The following RALB variants were observed in gnomAD, a reference collection of about 807,000 sequenced individuals.
RALB encodes ras-related protein Ral-B.
A neutral mutation model predicts 21.3 loss-of-function variants in RALB; 16 were observed. The ratio of observed to expected loss-of-function variants is 0.75; its 90% confidence interval spans 0.51 to 1.14. RALB has a LOEUF of 1.14. RALB is among the 50% of genes most tolerant of loss of function. RALB has a pLI of 0.00. For synonymous variants in RALB, 93 were observed against 96.1 expected (o/e 0.97, Z 0.19); for missense variants, 161 against 256.2 (o/e 0.63, Z 2.54).
At chr2:120,252,037 T>C (rs1020595947), upstream of RALB, among the ~76,000 whole-genome samples, 5 of 152,148 alleles carry the variant, frequency 3.3e-5, no homozygotes, top group African/African-American at 1.2e-4. Context: ...GTTCCCTCCC[T>C]TAGAGATAAG....
chr2:120,270,963 G>T (rs956386743), intron 1 of RALB, among the ~76,000 whole-genome samples: 5 of 152,194 alleles, frequency 3.3e-5, no homozygotes, highest in Admixed American at 6.5e-5. Flanking sequence ...TGGCAGGTGT[G>T]TAATGTTTGA....
chr2:120,269,312 T>G (rs925632331), intron 1 of RALB, among the ~76,000 whole-genome samples: 1 of 152,200 alleles, frequency 6.6e-6, no homozygotes, highest in African/African-American at 2.4e-5. Flanking sequence ...GCAGTGAGTG[T>G]TATAGCTCTC....
chr2:120,250,710 A>G (rs1334629901), upstream of RALB, among the ~76,000 whole-genome samples: 1 of 152,158 alleles, frequency 6.6e-6, no homozygotes, highest in Non-Finnish European at 1.5e-5. Context: ...GAGTTCTGGT[A>G]GGGAAACTCA....
At chr2:120,279,856 C>T (rs1689941571) in intron 2 of RALB, among the ~76,000 whole-genome samples, 1 of 152,194 alleles carries the variant, frequency 6.6e-6, no homozygotes, top group African/African-American at 2.4e-5. Flanking sequence ...GTCCTGCTTC[C>T]TCTTATGCTG....
chr2:120,246,036 G>C (rs4241155), intron 1 of RALB, among the ~76,000 whole-genome samples: 101,575 of 152,096 alleles, frequency 0.67, 34,925 homozygotes, highest in African/African-American at 0.81. Context: ...TTTACCCCCC[G>C]ACACCACCCC....
chr2:120,279,004 C>G (rs1689917663), intron 2 of RALB, among the ~76,000 whole-genome samples: 2 of 152,164 alleles, frequency 1.3e-5, no homozygotes, highest in Non-Finnish European at 2.9e-5. Context: ...GAGATCTCTG[C>G]TTGCATCGTT....
intron 2 of RALB, among the ~76,000 whole-genome samples, chr2:120,284,986 C>T (rs549717366): frequency 6.6e-6 from 1 of 152,296 alleles, no homozygotes; most frequent in African/African-American, 2.4e-5. Context: ...CAAAAACCCA[C>T]ACCACTGAAA....
intron 2 of RALB, among the ~76,000 whole-genome samples, chr2:120,284,948 G>A (rs1020371407): frequency 6.6e-6 from 1 of 152,096 alleles, no homozygotes; most frequent in Admixed American, 6.6e-5. Flanking sequence ...ATGTTGCAGC[G>A]TGCGTTGGTA....
chr2:120,274,358 G>A (rs576622829), intron 1 of RALB, among the ~76,000 whole-genome samples: 34 of 151,898 alleles, frequency 2.2e-4, no homozygotes, highest in African/African-American at 7.5e-4. Context: ...AAAAAAGTAC[G>A]TAATTTGCAA....
chr2:120,254,396 C>T (rs1689143816), intron 1 of RALB, among the ~76,000 whole-genome samples: 1 of 152,198 alleles, frequency 6.6e-6, no homozygotes, highest in African/African-American at 2.4e-5. Context: ...ACATTGCTTC[C>T]CATTGGAAAC....
intron 3 of RALB, among the ~76,000 whole-genome samples, chr2:120,287,369 T>TGACTATGAC (rs1690192242): frequency 6.6e-6 from 1 of 152,256 alleles, no homozygotes. Context: ...ACTAGTTAAG[T>TGACTATGAC]GACTATGACT....
At chr2:120,266,585 C>T (rs1353521905) in intron 1 of RALB, among the ~76,000 whole-genome samples, 1 of 152,102 alleles carries the variant, frequency 6.6e-6, no homozygotes, top group African/African-American at 2.4e-5. Context: ...GTGGTGTGTG[C>T]CTGTAGTCCC....
At chr2:120,241,067 G>A (rs968859064) in intron 1 of RALB, among the ~76,000 whole-genome samples, 1 of 152,180 alleles carries the variant, frequency 6.6e-6, no homozygotes, top group East Asian at 1.9e-4. Context: ...GGGAGCTGAC[G>A]GACGGGTTAA....
chr2:120,257,920 C>T (rs1419722753), intron 1 of RALB, among the ~76,000 whole-genome samples: 1 of 152,178 alleles, frequency 6.6e-6, no homozygotes, highest in African/African-American at 2.4e-5. Context: ...TTTTAAAAAT[C>T]TCAAATTATA....
intron 1 of RALB, among the ~76,000 whole-genome samples, chr2:120,268,568 G>C (rs1278291625): frequency 2.0e-5 from 3 of 152,190 alleles, no homozygotes; most frequent in African/African-American, 7.2e-5. Context: ...GCCCAGGACG[G>C]GAGTGTGTGT....
intron 1 of RALB, among the ~76,000 whole-genome samples, chr2:120,261,387 C>T (rs945888051): frequency 3.9e-5 from 6 of 151,908 alleles, no homozygotes; most frequent in African/African-American, 4.8e-5. Context: ...AGAAGAAGGG[C>T]GTGGAAGGTT....
intron 2 of RALB, among the ~76,000 whole-genome samples, chr2:120,284,481 C>T (rs140380564): frequency 1.1e-3 from 167 of 152,170 alleles, no homozygotes; most frequent in African/African-American, 3.7e-3. Flanking sequence ...TCACTGCAAG[C>T]GCCACTTCCC....
intron 4 of RALB, among the ~76,000 whole-genome samples, chr2:120,292,856 G>A (rs570969948): frequency 6.6e-6 from 1 of 152,020 alleles, no homozygotes; most frequent in Admixed American, 6.5e-5. Flanking sequence ...GGCTTGAGCA[G>A]TTGTGTGATA....
At chr2:120,263,676 C>T (rs1452711409) in intron 1 of RALB, among the ~76,000 whole-genome samples, 1 of 151,178 alleles carries the variant, frequency 6.6e-6, no homozygotes, top group East Asian at 2.0e-4. Context: ...CCTCCCACCT[C>T]AGCCTCCAAA....
Sources: allele counts gnomAD v4.1 joint callset (sites outside exome capture counted in the v4.1 genomes callset), GRCh38; gene constraint gnomAD v4.1.1; transcripts MANE v1.5; gene names NCBI Gene and HGNC (gene_info 2026-07-23, HGNC 2026-07-21).